Variants in TRIO observed in about 807,000 individuals in gnomAD.
The protein encoded by TRIO is trio Rho guanine nucleotide exchange factor, also known as triple functional domain protein.
Under a neutral mutation model 351.9 loss-of-function variants are expected in TRIO, and 58 were observed. The ratio of observed to expected loss-of-function variants is 0.16; its 90% CI spans 0.13 to 0.21. The LOEUF (loss-of-function observed/expected upper bound fraction) is 0.21. Among genes scored for constraint, TRIO ranks in the 10% least tolerant of loss-of-function variants. TRIO has a pLI of 1.00. For missense variants in TRIO, 3,201 were observed against 4,027.8 expected (o/e 0.79, Z 5.56); for synonymous variants, 1,758 against 1,595.7 (o/e 1.10, Z -2.42).
At chr5:14,209,961 G>C (rs1029486615) in intron 1 of TRIO, among the ~76,000 whole-genome samples, 1 of 152,190 alleles carries the variant, frequency 6.6e-6, no homozygotes, top group Non-Finnish European at 1.5e-5. Context: ...CTCTCCCTGT[G>C]TGCTGAGCTC....
At chr5:14,434,530 A>C (rs1469252515) in intron 34 of TRIO, among the ~76,000 whole-genome samples, 1 of 152,108 alleles carries the variant, frequency 6.6e-6, no homozygotes, top group Non-Finnish European at 1.5e-5. Context: ...TTTTGGACCT[A>C]CAGAAAAGTG....
intron 31 of TRIO, among the ~76,000 whole-genome samples, chr5:14,403,136 TGCAG>T (rs1748254228): frequency 1.6e-5 from 2 of 122,348 alleles, no homozygotes; most frequent in Admixed American, 8.6e-5. Flanking sequence ...GTGGTGAGGG[TGCAG>T]GTTGTGGTGG....
intron 1 of TRIO, among the ~76,000 whole-genome samples, chr5:14,247,336 A>G (rs1257771143): frequency 6.6e-6 from 1 of 152,256 alleles, no homozygotes; most frequent in Non-Finnish European, 1.5e-5. Context: ...ATTAGCCTGA[A>G]CTATGAAACA....
intron 1 of TRIO, among the ~76,000 whole-genome samples, chr5:14,166,058 C>T (rs943595269): frequency 3.3e-5 from 5 of 152,218 alleles, no homozygotes; most frequent in African/African-American, 2.4e-5. Context: ...CGGTGTCACT[C>T]ATGGCCATTG....
intron 45 of TRIO, 76 bp downstream of exon 45, chr5:14,481,694 C>A: frequency 6.9e-7 from 1 of 1,458,862 alleles, no homozygotes; most frequent in Non-Finnish European, 9.6e-7. Context: ...TTTCTCTCCA[C>A]ATAGAGAAAG....
chr5:14,426,069 C>T (rs1181117047), intron 34 of TRIO, among the ~76,000 whole-genome samples: 1 of 152,210 alleles, frequency 6.6e-6, no homozygotes, highest in African/African-American at 2.4e-5. Context: ...ATCACCTGAT[C>T]ACCTGACCTC....
chr5:14,263,129 T>C lies in TRIO; in HGVS notation c.158-7696T>C, dbSNP rs572939571. On this transcript the variant is annotated intron_variant, in intron 1 of 56. Transcript: ENST00000344204. ...TTTGATAGGACATCTTCTCCTATTC[T>C]CATCGCTCTGGCCCTGATTTTTCCA... Among the ~76,000 whole-genome samples, 8 of 152,348 alleles carry C rather than the reference T, an allele frequency of 5.3e-5. No individual in the cohort carries two copies. In the South Asian group the frequency reaches 1.7e-3, roughly 32 times the overall value.
Position 14,381,263 on chromosome 5 carries a change from A to T in TRIO, c.3570+11A>T, listed in dbSNP as rs533484090. On this transcript the variant is annotated intron_variant, in intron 21 of 56. Transcript: ENST00000344204. ...CAGATAACTGCAAAGGTGGGTTCAG[A>T]GTGTACTTTGTATAGTGGCCTCTAA... is the stretch of plus-strand genomic sequence containing the variant. 2 of 1,603,296 alleles carry T rather than the reference A, an allele frequency of 1.2e-6. No individual in the cohort carries two copies. Among genetic ancestry groups the T allele is most frequent in the Non-Finnish European group, 1.7e-6 (2 of 1,176,794 alleles).
intron 47 of TRIO, 27 bp from the exon 48 acceptor site, chr5:14,487,437 A>G (rs756197650): frequency 1.5e-5 from 16 of 1,092,004 alleles, no homozygotes; most frequent in Admixed American, 3.9e-5. Context: ...GCCCTGACCC[A>G]GTCTCTCCCG....
chr5:14,446,012 C>T (rs531051749), intron 34 of TRIO, among the ~76,000 whole-genome samples: 56 of 152,334 alleles, frequency 3.7e-4, no homozygotes, highest in Admixed American at 2.9e-3. Context: ...CATCACACCA[C>T]GGGCACTGAT....
At chr5:14,368,562 T>C in intron 16 of TRIO, 146 bp from the exon 17 acceptor site, 1 of 790,200 alleles carries the variant, frequency 1.3e-6, no homozygotes, top group Non-Finnish European at 1.9e-6. Context: ...AACTGTCTGC[T>C]GTGCTTTTAG....
intron 6 of TRIO, among the ~76,000 whole-genome samples, chr5:14,294,398 G>A (rs758578487): frequency 2.0e-5 from 3 of 152,148 alleles, no homozygotes; most frequent in East Asian, 1.9e-4. Flanking sequence ...GGTTCGAATC[G>A]TCAAACCTGG....
intron 1 of TRIO, among the ~76,000 whole-genome samples, chr5:14,191,344 T>C (rs1015611235): frequency 2.0e-5 from 3 of 152,000 alleles, no homozygotes; most frequent in East Asian, 3.8e-4. Flanking sequence ...GTAATCCTAG[T>C]GCTTTGGGAG....
chr5:14,364,024 T>C (rs1479444956), intron 14 of TRIO, 97 bp downstream of exon 14: 2 of 1,254,716 alleles, frequency 1.6e-6, no homozygotes, highest in African/African-American at 3.0e-5. Context: ...TTTTGTTAGT[T>C]CCTATGATAA....
intron 35 of TRIO, 60 bp downstream of exon 35, chr5:14,461,371 A>G (rs906132552): frequency 8.0e-5 from 115 of 1,445,352 alleles, no homozygotes; most frequent in Non-Finnish European, 7.1e-5. Flanking sequence ...TTTTGCTGCA[A>G]GAATAGTTGC....
chr5:14,479,891 C>T (rs374433533), intron 42 of TRIO, 28 bp from the exon 43 acceptor site: 26 of 1,609,650 alleles, frequency 1.6e-5, no homozygotes, highest in Non-Finnish European at 1.9e-5. Context: ...ACAGCCCATA[C>T]GATCTTTTCT....
chr5:14,304,725 T>C, intron 8 of TRIO, 133 bp downstream of exon 8: 1 of 1,068,490 alleles, frequency 9.4e-7, no homozygotes, highest in Non-Finnish European at 1.3e-6. Flanking sequence ...GCAGTTTAAT[T>C]GTTTAGCATT....
chr5:14,144,026 C>T (rs1045104386), intron 1 of TRIO, 144 bp downstream of exon 1: 1 of 557,086 alleles, frequency 1.8e-6, no homozygotes, highest in Non-Finnish European at 2.3e-6. Flanking sequence ...CCTGGGACCA[C>T]TGCTTCCATG....
chr5:14,403,390 G>A, intron 31 of TRIO, among the ~76,000 whole-genome samples: 1 of 110,350 alleles, frequency 9.1e-6, no homozygotes, highest in East Asian at 2.3e-4. Context: ...AGGTTGTGAG[G>A]GTGTAGGTTG....
Sources: allele counts gnomAD v4.1 joint callset (sites outside exome capture counted in the v4.1 genomes callset), GRCh38; gene constraint gnomAD v4.1.1; transcripts MANE v1.5; gene names NCBI Gene and HGNC (gene_info 2026-07-23, HGNC 2026-07-21).